Variants in GCNT1 observed in about 807,000 individuals in gnomAD.
The protein encoded by GCNT1 is beta-1,3-galactosyl-O-glycosyl-glycoprotein beta-1,6-N-acetylglucosaminyltransferase.
Under a neutral mutation model 26.2 loss-of-function variants are expected in GCNT1, and 16 were observed. That is an observed-to-expected ratio of 0.61 (90% CI 0.41 to 0.93). GCNT1 has a LOEUF of 0.93. GCNT1 is among the 40% of genes least tolerant of loss of function. The pLI, the probability that GCNT1 is intolerant of heterozygous loss-of-function variation, is 0.00. For synonymous variants in GCNT1, 183 were observed against 190.8 expected, an observed-to-expected ratio of 0.96 and a Z score of 0.34; for missense variants, 477 against 526.7, an observed-to-expected ratio of 0.91 and a Z score of 0.92.
intron 2 of GCNT1, among the ~76,000 whole-genome samples, chr9:76,476,917 T>C (rs566511650): frequency 7.2e-5 from 11 of 152,256 alleles, no homozygotes; most frequent in South Asian, 4.1e-4. Flanking sequence ...ATTTTATTTA[T>C]TTATTTATTT....
upstream of GCNT1, among the ~76,000 whole-genome samples, chr9:76,440,365 C>T (rs1002999685): frequency 6.6e-6 from 1 of 152,074 alleles, no homozygotes; most frequent in Non-Finnish European, 1.5e-5. Flanking sequence ...CAAAAAATTC[C>T]CCAGTTGCCA....
upstream of GCNT1, among the ~76,000 whole-genome samples, chr9:76,418,984 C>A (rs1823155372): frequency 6.6e-6 from 1 of 152,146 alleles, no homozygotes; most frequent in African/African-American, 2.4e-5. Context: ...CATCCTGTGC[C>A]TTGGGAGAGA....
chr9:76,407,579 A>G, the GCNT1 span, among the ~76,000 whole-genome samples: 1 of 152,182 alleles, frequency 6.6e-6, no homozygotes, highest in Non-Finnish European at 1.5e-5. Context: ...ACACTCATGC[A>G]TGATTATGTT....
intron 2 of GCNT1, among the ~76,000 whole-genome samples, chr9:76,469,522 GCT>G (rs1319290455): frequency 6.6e-6 from 1 of 152,200 alleles, no homozygotes; most frequent in East Asian, 1.9e-4. Context: ...TTGTATGGGA[GCT>G]CTGTTTCCAC....
intron 2 of GCNT1, among the ~76,000 whole-genome samples, chr9:76,473,279 G>C (rs897734426): frequency 1.3e-5 from 2 of 152,160 alleles, no homozygotes; most frequent in East Asian, 3.9e-4. Context: ...ACCTCTGAGT[G>C]AATTCCTGGA....
At chr9:76,492,858 C>T (rs932210354) in intron 2 of GCNT1, among the ~76,000 whole-genome samples, 3 of 151,912 alleles carry the variant, frequency 2.0e-5, no homozygotes, top group Non-Finnish European at 2.9e-5. Flanking sequence ...CCCGCTTTTC[C>T]TTTTAGGCCT....
chr9:76,500,775 AT>A (rs1825042057), intron 2 of GCNT1, 140 bp from the exon 3 acceptor site: 2 of 152,218 alleles, frequency 1.3e-5, no homozygotes, highest in South Asian at 4.1e-4. Flanking sequence ...AGAGAAGGAA[AT>A]TTTAAAAGAG....
At chr9:76,492,211 G>A (rs1403001998) in intron 2 of GCNT1, among the ~76,000 whole-genome samples, 1 of 152,090 alleles carries the variant, frequency 6.6e-6, no homozygotes, top group East Asian at 1.9e-4. Flanking sequence ...AGACTTCAGG[G>A]TTGATTCCCT....
At chr9:76,404,182 A>G in the GCNT1 span, among the ~76,000 whole-genome samples, 1 of 152,208 alleles carries the variant, frequency 6.6e-6, no homozygotes, top group African/African-American at 2.4e-5. Flanking sequence ...ACCAACAGTA[A>G]TTACATATAA....
chr9:76,429,859 C>T (rs1222064079), intron 1 of GCNT1, among the ~76,000 whole-genome samples: 1 of 151,938 alleles, frequency 6.6e-6, no homozygotes, highest in Non-Finnish European at 1.5e-5. Flanking sequence ...GGACTACACG[C>T]ACCCGCCACC....
intron 2 of GCNT1, among the ~76,000 whole-genome samples, chr9:76,485,807 A>T (rs1824557150): frequency 6.6e-6 from 1 of 151,372 alleles, no homozygotes; most frequent in African/African-American, 2.4e-5. Context: ...AGTCTCACTC[A>T]TTGCAACCTC....
At chr9:76,418,704 T>C (rs1202651096), upstream of GCNT1, among the ~76,000 whole-genome samples, 1 of 152,088 alleles carries the variant, frequency 6.6e-6, no homozygotes, top group Non-Finnish European at 1.5e-5. Context: ...GAGTTGAGGG[T>C]GTAACAATTT....
chr9:76,445,560 G>GT (rs892820086), intron 1 of GCNT1, among the ~76,000 whole-genome samples: 42 of 151,472 alleles, frequency 2.8e-4, no homozygotes, highest in African/African-American at 9.7e-4. Context: ...GCTAATTTTT[G>GT]TATTTCTTTT....
At chr9:76,468,880 A>G (rs1824066011) in intron 2 of GCNT1, among the ~76,000 whole-genome samples, 1 of 152,224 alleles carries the variant, frequency 6.6e-6, no homozygotes, top group African/African-American at 2.4e-5. Context: ...ATGCGAACAT[A>G]TTGCCAAAAA....
upstream of GCNT1, among the ~76,000 whole-genome samples, chr9:76,419,000 T>G (rs1303145854): frequency 6.6e-6 from 1 of 152,112 alleles, no homozygotes; most frequent in African/African-American, 2.4e-5. Context: ...AGAGACAAAA[T>G]GTTAGTGGAG....
In GCNT1 at chr9:76,503,879, G is replaced by A; in HGVS notation, c.*211G>A. 1 of 572,008 alleles carries A rather than the reference G, an allele frequency of 1.7e-6. No individual in the cohort carries two copies. Among genetic ancestry groups the A allele is most frequent in the Non-Finnish European group, 3.2e-6 (1 of 310,984 alleles). 35.4% of individuals were successfully genotyped at this position (572,008 alleles called of 1,614,324 possible). The stretch of plus-strand genomic sequence containing the variant: ...ATTAAATGTTCATCTAGAGTTAATA[G>A]TGGGAGGAGTAAAGGTAGCCTTGAG... On this transcript the variant is annotated 3_prime_UTR_variant, in exon 4 of 4. Coordinates refer to ENST00000376730, the MANE Select transcript of GCNT1 (RefSeq NM_001490.5).
At chr9:76,404,976 C>G in the GCNT1 span, among the ~76,000 whole-genome samples, 1 of 152,024 alleles carries the variant, frequency 6.6e-6, no homozygotes, top group African/African-American at 2.4e-5. Context: ...CACCACCATG[C>G]CTGGCTAATT....
Position 76,503,919 on chromosome 9 carries a change from C to G in GCNT1, c.*251C>G, listed in dbSNP as rs1415750445. 2.2e-5 allele frequency: 11 copies of G among 493,332 alleles called. No homozygotes were observed. The Admixed American group carries it at 3.7e-4, about 16-fold the overall frequency. The allele number at this position is 493,332 out of a possible 1,614,324, so 30.6% of individuals were successfully genotyped here. A position where few individuals can be genotyped will look rare whatever the true frequency, so the allele number is the denominator to read the frequency against. ...GTAGCCTTGAGGCCAGAGCAGGTAG[C>G]AAGGCATTGTGGAAAGAGGGGACCA... On this transcript the variant is annotated 3_prime_UTR_variant, in exon 4 of 4. Coordinates refer to ENST00000376730, the MANE Select transcript of GCNT1 (RefSeq NM_001490.5).
chr9:76,502,399 G>T lies in GCNT1; in HGVS notation c.18G>T (p.Leu6=), dbSNP rs1256584416. 2 of 1,611,746 alleles carry T rather than the reference G, an allele frequency of 1.2e-6. No homozygotes were observed. The highest frequency in any genetic ancestry group is 1.3e-5 in the African/African-American group (1 of 74,882). Residue 6 remains leucine, a synonymous_variant, in exon 4 of 4, where the codon CTG becomes CTT. Transcript: ENST00000376730. The part of the protein sequence containing the change: MLRTL[L]RRRLFSYPTK... The stretch of plus-strand genomic sequence containing the variant: ...TGTTTGAAATGCTGAGGACGTTGCT[G>T]CGAAGGAGACTTTTTTCTTATCCCA...
Sources: allele counts gnomAD v4.1 joint callset (sites outside exome capture counted in the v4.1 genomes callset), GRCh38; gene constraint gnomAD v4.1.1; transcripts MANE v1.5; gene names NCBI Gene and HGNC (gene_info 2026-07-23, HGNC 2026-07-21).